The following PCDHA13 variants were observed in gnomAD, a reference collection of about 807,000 sequenced individuals.
PCDHA13 encodes the protein protocadherin alpha 13, also known as protocadherin alpha-13.
PCDHA13 carries 54 observed loss-of-function variants against 64.8 expected under a neutral mutation model. That is an observed-to-expected ratio of 0.83 (90% CI 0.67 to 1.04). The LOEUF (loss-of-function observed/expected upper bound fraction) is 1.04, where lower values mean the gene tolerates loss of function less well. PCDHA13 is among the 50% of genes least tolerant of loss of function. The pLI, the probability that PCDHA13 is intolerant of heterozygous loss-of-function variation, is 0.00. For synonymous variants in PCDHA13, 587 were observed against 564.4 expected (o/e 1.04, Z -0.57); for missense variants, 1,248 against 1,254.3 (o/e 0.99, Z 0.08).
chr5:140,916,161 GC>G (rs2077457967), intron 1 of PCDHA13, among the ~76,000 whole-genome samples: 1 of 152,084 alleles, frequency 6.6e-6, no homozygotes, highest in African/African-American at 2.4e-5. Flanking sequence ...GGTGAATGCT[GC>G]CAGGCCTGGG....
intron 1 of PCDHA13, chr5:140,926,694 G>T: frequency 4.0e-6 from 3 of 746,722 alleles, no homozygotes; most frequent in Non-Finnish European, 5.8e-6. Flanking sequence ...TAGCAAGCCC[G>T]GCTCCCAGCT....
At chr5:140,971,782 A>G (rs1458049076) in intron 1 of PCDHA13, among the ~76,000 whole-genome samples, 1 of 152,166 alleles carries the variant, frequency 6.6e-6, no homozygotes, top group Non-Finnish European at 1.5e-5. Context: ...ATTCAAGATT[A>G]TTCAATATAT....
At chr5:140,924,902 A>AT (rs1563068435) in intron 1 of PCDHA13, among the ~76,000 whole-genome samples, 2 of 39,026 alleles carry the variant, frequency 5.1e-5, no homozygotes, top group Non-Finnish European at 1.3e-4. Context: ...CTCAAAAAAA[A>AT]AAATAAAATA....
chr5:140,930,594 A>G (rs1554207944), intron 1 of PCDHA13: 2 of 152,716 alleles, frequency 1.3e-5, no homozygotes, highest in East Asian at 3.9e-4. Flanking sequence ...GACTTCTCAT[A>G]GAAATCCTAG....
Position 140,972,810 on chromosome 5 carries a change from C to T in PCDHA13, c.2395-6139C>T, listed in dbSNP as rs546110006. 7.2e-5 allele frequency among the ~76,000 whole-genome samples: 11 copies of T among 151,984 alleles called. No homozygotes were observed. In the East Asian group the frequency reaches 9.7e-4, roughly 13 times the overall value. On this transcript the variant is annotated intron_variant, in intron 1 of 3. Transcript: ENST00000289272. ...TCCTGAGTAGCTGAGATTACAGGCA[C>T]GCGCCACCACGCCTGGCTAATTTTT...
At chr5:140,894,143 T>G (rs1322881071) in intron 1 of PCDHA13, among the ~76,000 whole-genome samples, 1 of 152,158 alleles carries the variant, frequency 6.6e-6, no homozygotes, top group Non-Finnish European at 1.5e-5. Flanking sequence ...ATAATTCCCT[T>G]CTATGTAATT....
At chr5:140,936,972 T>C (rs2091238144) in intron 1 of PCDHA13, among the ~76,000 whole-genome samples, 2 of 152,314 alleles carry the variant, frequency 1.3e-5, no homozygotes, top group South Asian at 4.1e-4. Context: ...TATAAAAATA[T>C]GAAGCTTGTT....
In PCDHA13 at chr5:140,883,558, G is replaced by A; in HGVS notation, c.1290G>A (p.Gly430=). Residue 430 remains glycine, a synonymous_variant, in exon 1 of 4, where the codon GGG becomes GGA. Transcript: ENST00000289272. ...AACTGGTGGTGACCGCGCGGGACGG[G>A]GGCTCGCCTTCGCTGTGGGCCACGG... ...AYELVVTARD[G]GSPSLWATAS... is the part of the protein sequence containing the mutation. 2 of 1,614,190 alleles carry A rather than the reference G, an allele frequency of 1.2e-6. No homozygotes were observed. Among genetic ancestry groups the A allele is most frequent in the South Asian group, 1.1e-5 (1 of 91,084 alleles).
rs2059142751 is a variant in PCDHA13, at chr5:140,882,451, G to T, written c.183G>T (p.Pro61=). The T allele has an allele frequency of 2.5e-6, 4 of 1,613,922 alleles. No individual in the cohort carries two copies. The highest frequency in any genetic ancestry group is 1.3e-5 in the African/African-American group (1 of 74,928). Residue 61 remains proline (P), a synonymous_variant, in exon 1 of 4, where the codon CCG becomes CCT. Transcript: ENST00000289272. ...GGCTGGAGCTGGCGGAGCTGGTGCCGCGCCTGTTCCGGGTGGCGTCCAAAA... is the reference window on the plus strand; with the variant it reads ...GGCTGGAGCTGGCGGAGCTGGTGCCTCGCCTGTTCCGGGTGGCGTCCAAAA... The part of the protein sequence containing the change: ...DLGLELAELV[P]RLFRVASKRH...
intron 1 of PCDHA13, among the ~76,000 whole-genome samples, chr5:140,951,992 A>G (rs1469467629): frequency 6.6e-6 from 1 of 152,212 alleles, no homozygotes; most frequent in Non-Finnish European, 1.5e-5. Flanking sequence ...AAAACCAGCC[A>G]AAAGAAAGAA....
intron 1 of PCDHA13, among the ~76,000 whole-genome samples, chr5:140,925,287 A>G (rs905857397): frequency 4.7e-4 from 72 of 152,294 alleles, no homozygotes; most frequent in African/African-American, 1.7e-3. Context: ...TGCCTTTCAA[A>G]TGTTTCATTA....
intron 1 of PCDHA13, among the ~76,000 whole-genome samples, chr5:140,911,118 G>A (rs11955654): frequency 0.019 from 2,929 of 152,274 alleles, 39 homozygotes; most frequent in East Asian, 0.055. Flanking sequence ...AGCCATCACT[G>A]TTGCCTCAGG....
chr5:140,998,836 T>C (rs1388208720), intron 3 of PCDHA13, among the ~76,000 whole-genome samples: 2 of 152,254 alleles, frequency 1.3e-5, no homozygotes, highest in Non-Finnish European at 2.9e-5. Context: ...AGTGCTGGAT[T>C]ACTGGTGTGA....
intron 3 of PCDHA13, among the ~76,000 whole-genome samples, chr5:140,997,397 A>G (rs782082443): frequency 4.6e-5 from 7 of 152,194 alleles, no homozygotes; most frequent in African/African-American, 7.2e-5. Flanking sequence ...CTTAGGCTCT[A>G]TCGTATGGCC....
At chr5:140,894,223 T>C (rs2064371572) in intron 1 of PCDHA13, among the ~76,000 whole-genome samples, 1 of 152,124 alleles carries the variant, frequency 6.6e-6, no homozygotes. Context: ...ATTTTAAAGA[T>C]GTTGAATGAC....
intron 1 of PCDHA13, chr5:140,966,642 G>A (rs897727830): frequency 8.9e-7 from 1 of 1,117,790 alleles, no homozygotes; most frequent in East Asian, 3.1e-5. Flanking sequence ...GCGCTTTCTA[G>A]AGCGTGAGCG....
intron 1 of PCDHA13, among the ~76,000 whole-genome samples, chr5:140,917,553 T>C (rs1220066857): frequency 6.6e-6 from 1 of 152,258 alleles, no homozygotes; most frequent in African/African-American, 2.4e-5. Context: ...TACATTTAAC[T>C]CTTTAATCCA....
chr5:141,001,468 G>A (rs1375908420), intron 3 of PCDHA13, among the ~76,000 whole-genome samples: 1 of 152,226 alleles, frequency 6.6e-6, no homozygotes, highest in African/African-American at 2.4e-5. Context: ...GGACTAAGCA[G>A]CAGCGGGGAA....
intron 1 of PCDHA13, among the ~76,000 whole-genome samples, chr5:140,918,972 A>G (rs782748846): frequency 6.6e-5 from 10 of 152,184 alleles, no homozygotes; most frequent in Non-Finnish European, 1.3e-4. Flanking sequence ...GATATCGTTT[A>G]GGTTAGTTGG....
Sources: allele counts gnomAD v4.1 joint callset (sites outside exome capture counted in the v4.1 genomes callset), GRCh38; gene constraint gnomAD v4.1.1; transcripts MANE v1.5; gene names NCBI Gene and HGNC (gene_info 2026-07-23, HGNC 2026-07-21).